TMEM108: variants seen among roughly 807,000 people sequenced by gnomAD.
The protein encoded by TMEM108 is cancer/testis antigen 124.
A neutral mutation model predicts 35.1 loss-of-function variants in TMEM108; 12 were observed. The observed-to-expected ratio is 0.34, with a 90% CI of 0.22 to 0.55. The LOEUF is 0.55. TMEM108 is among the 20% of genes least tolerant of loss of function. The pLI, the probability that TMEM108 is intolerant of heterozygous loss-of-function variation, is 0.89. For missense variants in TMEM108, 680 were observed against 753.3 expected (o/e 0.90, Z 1.14); for synonymous variants, 287 against 308.6 (o/e 0.93, Z 0.73).
intron 2 of TMEM108, among the ~76,000 whole-genome samples, chr3:133,142,045 T>C: frequency 6.6e-6 from 1 of 152,100 alleles, no homozygotes; most frequent in Non-Finnish European, 1.5e-5. Flanking sequence ...ACCCACCAGA[T>C]CTCAGTAGCA....
intron 2 of TMEM108, among the ~76,000 whole-genome samples, chr3:133,174,921 AC>A (rs1275580289): frequency 6.6e-6 from 1 of 151,686 alleles, no homozygotes; most frequent in Admixed American, 6.6e-5. Flanking sequence ...GAAGTTAAAA[AC>A]CTTGAAAAAA....
chr3:133,121,380 A>G (rs1049472127), intron 2 of TMEM108, among the ~76,000 whole-genome samples: 3 of 152,376 alleles, frequency 2.0e-5, no homozygotes, highest in South Asian at 2.1e-4. Context: ...TGTTGAATCA[A>G]TATCTAGAAT....
At chr3:133,271,483 C>A (rs1387677360) in intron 3 of TMEM108, among the ~76,000 whole-genome samples, 1 of 152,140 alleles carries the variant, frequency 6.6e-6, no homozygotes, top group South Asian at 2.1e-4. Flanking sequence ...AAAGTGATTT[C>A]TTGGAAATAA....
At chr3:133,097,298 A>C (rs1322984129) in intron 2 of TMEM108, among the ~76,000 whole-genome samples, 1 of 152,246 alleles carries the variant, frequency 6.6e-6, no homozygotes, top group East Asian at 1.9e-4. Context: ...AGGAGTAGAC[A>C]AAAAGAAGTA....
At chr3:133,339,913 A>G (rs1415093565) in intron 3 of TMEM108, among the ~76,000 whole-genome samples, 1 of 151,852 alleles carries the variant, frequency 6.6e-6, no homozygotes, top group Admixed American at 6.6e-5. Flanking sequence ...ATGATAATGA[A>G]AACACAATAT....
intron 2 of TMEM108, chr3:133,125,240 T>C (rs1944400747): frequency 6.6e-6 from 1 of 152,236 alleles, no homozygotes; most frequent in South Asian, 2.1e-4. Flanking sequence ...TCATGAATTA[T>C]AGTTTTTATC....
chr3:133,288,068 A>C (rs1250339877), intron 3 of TMEM108, among the ~76,000 whole-genome samples: 1 of 152,186 alleles, frequency 6.6e-6, no homozygotes, highest in Non-Finnish European at 1.5e-5. Flanking sequence ...AATTATGTGA[A>C]ATTGTTAATA....
chr3:133,357,544 C>A (rs1045523799), intron 3 of TMEM108, among the ~76,000 whole-genome samples: 2 of 152,014 alleles, frequency 1.3e-5, no homozygotes, highest in Admixed American at 1.3e-4. Context: ...CACCAACCAA[C>A]GAATGGATAA....
At chr3:133,098,308 C>T (rs1329993070) in intron 2 of TMEM108, among the ~76,000 whole-genome samples, 2 of 152,148 alleles carry the variant, frequency 1.3e-5, no homozygotes, top group African/African-American at 4.8e-5. Flanking sequence ...GAGAATAATT[C>T]AAGAAAGTCC....
chr3:133,217,430 A>C (rs1029328114), intron 2 of TMEM108, among the ~76,000 whole-genome samples: 1 of 151,688 alleles, frequency 6.6e-6, no homozygotes, highest in African/African-American at 2.4e-5. Context: ...TGTTTGTTTG[A>C]TGTAATCTGA....
intron 2 of TMEM108, among the ~76,000 whole-genome samples, chr3:133,164,822 A>G (rs1299239456): frequency 4.6e-5 from 7 of 152,182 alleles, no homozygotes; most frequent in Admixed American, 4.6e-4. Context: ...GAGAGGTCTC[A>G]TTTTTATTGA....
At position 133,108,901 on chromosome 3, in the gene TMEM108, G is replaced by T. The variant is rs192722457; in HGVS notation, c.-47+62881G>T. On this transcript the variant is annotated intron_variant, in intron 2 of 5. Coordinates refer to ENST00000321871, the MANE Select transcript of TMEM108 (RefSeq NM_023943.4). ...ACCTAATGCTAAATGACGAGTTAAT[G>T]GGTGCAGCACACCAACATGGCACAT... Among the ~76,000 whole-genome samples the T allele has an allele frequency of 4.5e-3, 690 of 151,758 alleles. 6 individuals carry two copies. Among genetic ancestry groups the T allele is most frequent in the Middle Eastern group, 0.031 (9 of 294 alleles).
At position 133,346,709 on chromosome 3, in the gene TMEM108, A is replaced by C. The variant is rs570644522; in HGVS notation, c.41-33043A>C. Among the ~76,000 whole-genome samples, 1 of 151,932 alleles carries C rather than the reference A, an allele frequency of 6.6e-6. No homozygotes were observed. The highest frequency in any genetic ancestry group is 2.1e-4 in the South Asian group (1 of 4,804). On this transcript the variant is annotated intron_variant, in intron 3 of 5. Transcript: ENST00000321871. The surrounding 1 kb of genome is among the most constrained non-coding windows in gnomAD (Gnocchi z 4.0). ...TTTGCTTTTTGTGTTGTATCTAAAA[A>C]CTCATGAAACCCAAAGTCACCTAAA...
chr3:133,331,318 G>A (rs371287032), intron 3 of TMEM108, among the ~76,000 whole-genome samples: 7 of 152,074 alleles, frequency 4.6e-5, no homozygotes, highest in African/African-American at 1.4e-4. Flanking sequence ...AAAAAATGCT[G>A]GTTACACAGG....
At chr3:133,081,367 C>G (rs1943808454) in intron 2 of TMEM108, among the ~76,000 whole-genome samples, 1 of 152,210 alleles carries the variant, frequency 6.6e-6, no homozygotes, top group Non-Finnish European at 1.5e-5. Flanking sequence ...AATAAGCACT[C>G]TGGTATCTCT....
At chr3:133,215,440 A>T (rs1482601349) in intron 2 of TMEM108, among the ~76,000 whole-genome samples, 1 of 151,612 alleles carries the variant, frequency 6.6e-6, no homozygotes, top group Non-Finnish European at 1.5e-5. Context: ...AACAAGAAAG[A>T]TGGAGCATCA....
At chr3:133,077,380 G>C (rs910943864) in intron 2 of TMEM108, among the ~76,000 whole-genome samples, 5 of 152,126 alleles carry the variant, frequency 3.3e-5, no homozygotes, top group African/African-American at 4.8e-5. Context: ...ATATGAGGTA[G>C]GGTTCTGCCC....
intron 2 of TMEM108, among the ~76,000 whole-genome samples, chr3:133,202,132 CT>C (rs1454941177): frequency 8.0e-5 from 12 of 150,470 alleles, no homozygotes; most frequent in African/African-American, 2.9e-4. Context: ...CCTTTGCCTA[CT>C]TTTTGATGGG....
At position 133,380,864 on chromosome 3, in the gene TMEM108, G is replaced by A. The variant is rs776674946; in HGVS notation, c.1153G>A (p.Ala385Thr). 6.2e-7 allele frequency: 1 copy of A among 1,614,110 alleles called. No individual in the cohort carries two copies. The highest frequency in any genetic ancestry group is 1.7e-5 in the Admixed American group (1 of 60,024). ...IPQGASTTPQ[A>T]PTHPSRVSES... ...TCAGGGAGCATCCACAACCCCACAA[G>A]CTCCAACCCATCCCTCCAGGGTCTC... is the stretch of plus-strand genomic sequence containing the variant. The change falls in exon 4 of 6, where the codon GCT becomes ACT. Residue 385 changes from alanine to threonine, a missense_variant. Ala to Thr is a moderately conservative substitution (Grantham distance 58, BLOSUM62 0). Around this residue, in one of 3 missense-constraint regions of TMEM108, gnomAD observed 526 missense variants for 532.1 expected, o/e 0.99. Coordinates refer to ENST00000321871, the MANE Select transcript of TMEM108 (RefSeq NM_023943.4). The surrounding 1 kb of genome is among the most constrained non-coding windows in gnomAD (Gnocchi z 5.3).
Sources: gnomAD v4.1 joint callset for allele counts (sites outside exome capture counted in the v4.1 genomes callset) on GRCh38, gnomAD v4.1.1 for gene constraint, gnomAD v4.1.1 regional missense constraint, Gnocchi (gnomAD v3.1) non-coding constraint, MANE v1.5 for transcripts, NCBI Gene and HGNC (gene_info 2026-07-23, HGNC 2026-07-21) for gene names.